KDM3A: variants seen among roughly 807,000 people sequenced by gnomAD.
The protein encoded by KDM3A is lysine-specific demethylase 3A.
Under a neutral mutation model 158.0 loss-of-function variants are expected in KDM3A, and 60 were observed. That is an observed-to-expected ratio of 0.38 (90% CI 0.31 to 0.47). KDM3A has a LOEUF of 0.47. Ranked by LOEUF, KDM3A falls within the 20% of genes least tolerant of loss-of-function variation. The pLI is 0.99. For missense variants in KDM3A, 1,319 were observed against 1,574.3 expected, an observed-to-expected ratio of 0.84 and a Z score of 2.74; for synonymous variants, 608 against 549.3, an observed-to-expected ratio of 1.11 and a Z score of -1.49.
At chr2:86,478,585 GT>G in intron 14 of KDM3A, 22 bp from the exon 15 acceptor site, 1 of 1,612,746 alleles carries the variant, frequency 6.2e-7, no homozygotes, top group Non-Finnish European at 8.5e-7. Flanking sequence ...TTGTTCAGAT[GT>G]TTGCCTCTGC....
In KDM3A at chr2:86,477,907, G is replaced by A. The variant is rs565832372; in HGVS notation, c.1970G>A (p.Gly657Asp). 5 of 1,613,324 alleles carry A rather than the reference G, an allele frequency of 3.1e-6. No individual in the cohort carries two copies. The highest frequency in any genetic ancestry group is 1.7e-5 in the Admixed American group (1 of 59,960). The change falls in exon 13 of 26, where the codon GGT (glycine) becomes GAT (aspartate). Residue 657 changes from glycine (G) to aspartate (D), a missense_variant. Coordinates refer to ENST00000312912, the MANE Select transcript of KDM3A (RefSeq NM_018433.6). ...RQVAWKRAVKGVREMCDVCDT... is the reference protein window; with the variant it reads ...RQVAWKRAVKDVREMCDVCDT... ...GTTGCTTGGAAGCGAGCTGTCAAAG[G>A]TGTTCGAGAAATGTGTGATGTGTGC...
chr2:86,456,032 T>A (rs185012768), intron 5 of KDM3A, among the ~76,000 whole-genome samples: 117 of 152,228 alleles, frequency 7.7e-4, no homozygotes, highest in African/African-American at 2.4e-3. Flanking sequence ...TTTGATATGT[T>A]TGGAATATCA....
chr2:86,478,495 A>G (rs1488791610), intron 14 of KDM3A, 113 bp from the exon 15 acceptor site: 34 of 1,230,094 alleles, frequency 2.8e-5, no homozygotes, highest in Non-Finnish European at 3.7e-5. Context: ...CAGGATGAAA[A>G]GGAGGGAGTG....
At chr2:86,481,278 C>G (rs879343713) in intron 16 of KDM3A, among the ~76,000 whole-genome samples, 1 of 152,042 alleles carries the variant, frequency 6.6e-6, no homozygotes, top group Non-Finnish European at 1.5e-5. Flanking sequence ...CGGAATCTTG[C>G]TCTGTCCAGC....
chr2:86,448,522 T>C (rs1329406810), intron 2 of KDM3A, among the ~76,000 whole-genome samples: 2 of 152,180 alleles, frequency 1.3e-5, no homozygotes, highest in Non-Finnish European at 2.9e-5. Flanking sequence ...AAAGTGTGGA[T>C]AAGAGCTAAG....
intron 2 of KDM3A, among the ~76,000 whole-genome samples, chr2:86,442,803 G>A (rs889747834): frequency 6.6e-6 from 1 of 152,052 alleles, no homozygotes; most frequent in Admixed American, 6.6e-5. Flanking sequence ...GTGATGAGCC[G>A]GTGGGTGGGT....
At chr2:86,438,158 T>C (rs1447925382), upstream of KDM3A, among the ~76,000 whole-genome samples, 1 of 152,116 alleles carries the variant, frequency 6.6e-6, no homozygotes, top group Admixed American at 6.5e-5. Flanking sequence ...TTCTTGATAG[T>C]TTGCTAAGAG....
At chr2:86,477,742 G>A (rs1673725496) in intron 12 of KDM3A, 135 bp from the exon 13 acceptor site, 1 of 753,882 alleles carries the variant, frequency 1.3e-6, no homozygotes, top group Non-Finnish European at 2.1e-6. Context: ...GTGGAGGACA[G>A]CATTTGCAAT....
Position 86,451,232 on chromosome 2 carries a change from A to G in KDM3A, c.453+19A>G. 6.9e-7 allele frequency: 1 copy of G among 1,452,780 alleles called. No individual in the cohort carries two copies. The highest frequency in any genetic ancestry group is 2.3e-5 in the East Asian group (1 of 43,910). 90.0% of individuals were successfully genotyped at this position (1,452,780 alleles called of 1,614,324 possible). ...TATACAGGTAAAACATAGAAACAGT[A>G]GTAAACATTAGAAACAGAAATACGA... On this transcript the variant is annotated intron_variant, in intron 4 of 25. Transcript: ENST00000312912.
At chr2:86,483,959 G>A (rs1465906197) in intron 18 of KDM3A, 28 bp from the exon 19 acceptor site, 1 of 1,592,754 alleles carries the variant, frequency 6.3e-7, no homozygotes, top group Non-Finnish European at 8.6e-7. Context: ...GCAGAGTTCA[G>A]ACTAAAGTTT....
At chr2:86,461,630 G>T (rs77163067) in intron 8 of KDM3A, among the ~76,000 whole-genome samples, 6 of 152,140 alleles carry the variant, frequency 3.9e-5, no homozygotes, top group Non-Finnish European at 8.8e-5. Flanking sequence ...GTGTGATAAG[G>T]GCTATGAAAG....
In KDM3A at chr2:86,492,394, A is replaced by G. The variant is rs1674501744; in HGVS notation, c.*275A>G. On this transcript the variant is annotated 3_prime_UTR_variant, in exon 26 of 26. Transcript: ENST00000312912. ...AGCAAAACCTCGTATCAGCTCTGGA[A>G]CAATACCTGCAGTTATTCTTCAGCT... 1 of 366,144 alleles carries G rather than the reference A, an allele frequency of 2.7e-6. No individual in the cohort carries two copies. The highest frequency in any genetic ancestry group is 5.1e-5 in the South Asian group (1 of 19,596). 22.7% of individuals were successfully genotyped at this position (366,144 alleles called of 1,614,324 possible).
chr2:86,492,504 C>CCTCATCCCTT lies in KDM3A; in HGVS notation c.*386_*395dup. 5.9e-6 allele frequency: 1 copy of CCTCATCCCTT among 169,652 alleles called. No individual in the cohort carries two copies. Among genetic ancestry groups the CCTCATCCCTT allele is most frequent in the South Asian group, 1.7e-4 (1 of 5,864 alleles). 10.5% of individuals were successfully genotyped at this position (169,652 alleles called of 1,614,324 possible). On this transcript the variant is annotated 3_prime_UTR_variant, in exon 26 of 26. Transcript: ENST00000312912. ...TTGTGTTTTGTGTCTGAGTCCCCTCCCTCATCCCTTAGGGTCCAGAAGAGC... is the reference window on the plus strand; with the variant it reads ...TTGTGTTTTGTGTCTGAGTCCCCTCCCTCATCCCTTCTCATCCCTTAGGGTCCAGAAGAGC...
At chr2:86,477,093 G>C (rs1466064474) in intron 12 of KDM3A, among the ~76,000 whole-genome samples, 2 of 152,198 alleles carry the variant, frequency 1.3e-5, no homozygotes, top group African/African-American at 4.8e-5. Context: ...CTAGGGGAAG[G>C]GTTCAATGGC....
Position 86,474,854 on chromosome 2 carries a change from C to A in KDM3A, c.1803C>A (p.Gly601=). Residue 601 remains glycine (G), a synonymous_variant, in exon 12 of 26, where the codon GGC becomes GGA. Coordinates refer to ENST00000312912, the MANE Select transcript of KDM3A (RefSeq NM_018433.6). ...ACAAGTATGACAATGAAGCAATTGG[C>A]TTGTGGTTACCTTTAACCAAAAACG... is the stretch of plus-strand genomic sequence containing the variant. ...TPNKYDNEAI[G]LWLPLTKNVV... 1 of 1,613,822 alleles carries A rather than the reference C, an allele frequency of 6.2e-7. No individual in the cohort carries two copies. The highest frequency in any genetic ancestry group is 1.7e-5 in the Admixed American group (1 of 59,996).
intron 18 of KDM3A, 196 bp downstream of exon 18, chr2:86,482,890 C>G: frequency 1.7e-6 from 1 of 573,720 alleles, no homozygotes; most frequent in East Asian, 3.1e-5. Flanking sequence ...CTAAGCTGGA[C>G]TTTTCCAGTC....
At chr2:86,449,190 T>C (rs2104628335) in intron 2 of KDM3A, among the ~76,000 whole-genome samples, 1 of 152,340 alleles carries the variant, frequency 6.6e-6, no homozygotes, top group East Asian at 1.9e-4. Context: ...TCTGAAAAAC[T>C]TTGTGGTCAT....
chr2:86,472,121 A>G (rs1271567368), intron 11 of KDM3A, among the ~76,000 whole-genome samples: 1 of 150,878 alleles, frequency 6.6e-6, no homozygotes, highest in Non-Finnish European at 1.5e-5. Flanking sequence ...GGGAAGGGAT[A>G]ATTTTTTTTT....
intron 4 of KDM3A, among the ~76,000 whole-genome samples, chr2:86,451,551 A>T (rs1056482933): frequency 6.6e-6 from 1 of 152,192 alleles, no homozygotes; most frequent in Non-Finnish European, 1.5e-5. Flanking sequence ...TCATTATAAA[A>T]GGTTTTTGTC....
Sources: gnomAD v4.1 joint callset for allele counts (sites outside exome capture counted in the v4.1 genomes callset) on GRCh38, gnomAD v4.1.1 for gene constraint, MANE v1.5 for transcripts, NCBI Gene and HGNC (gene_info 2026-07-23, HGNC 2026-07-21) for gene names.